The following AQR variants were observed in gnomAD, a reference collection of about 807,000 sequenced individuals.
The protein encoded by AQR is RNA helicase aquarius.
Under a neutral mutation model 180.5 loss-of-function variants are expected in AQR, and 61 were observed. The observed-to-expected ratio is 0.34, with a 90% CI of 0.28 to 0.42. AQR has a LOEUF of 0.42. Among genes scored for constraint, AQR ranks in the 10% least tolerant of loss-of-function variants. AQR has a pLI of 1.00. For missense variants in AQR, 1,281 were observed against 1,798.3 expected (o/e 0.71, Z 5.20); for synonymous variants, 551 against 588.8 (o/e 0.94, Z 0.93).
chr15:34,877,038 C>T (rs1296567284), intron 27 of AQR, among the ~76,000 whole-genome samples: 1 of 152,152 alleles, frequency 6.6e-6, no homozygotes, highest in African/African-American at 2.4e-5. Context: ...TGTATATTTA[C>T]TTGTTTAATG....
chr15:34,968,413 CG>C (rs35187816), intron 1 of AQR, among the ~76,000 whole-genome samples: 92,339 of 151,708 alleles, frequency 0.61, 30,482 homozygotes, highest in South Asian at 0.75. Flanking sequence ...CCACCATGCC[CG>C]GCTAATTTTT....
Position 34,943,015 on chromosome 15 carries a change from T to C in AQR, c.472-935A>G. The C allele has an allele frequency of 2.7e-6, 4 of 1,505,442 alleles. No individual in the cohort carries two copies. The Admixed American group carries it at 6.9e-5, about 26-fold the overall frequency. The allele number at this position is 1,505,442 out of a possible 1,614,324, so 93.3% of individuals were successfully genotyped here. On this transcript the variant is annotated intron_variant, in intron 6 of 34. Transcript: ENST00000156471. ...AAAAAATCACATCTATTTATATTTC[T>C]ATTTGTTCTGTTTAGTTTAATAAAT...
At chr15:34,889,723 T>C (rs1893113966) in intron 24 of AQR, among the ~76,000 whole-genome samples, 1 of 152,170 alleles carries the variant, frequency 6.6e-6, no homozygotes, top group South Asian at 2.1e-4. Context: ...CAGGCTGGAA[T>C]GCAATGGCGC....
Position 34,853,780 on chromosome 15 carries a change from T to A in AQR, c.*3012A>T, listed in dbSNP as rs1595776613. The A allele has an allele frequency of 6.6e-6, 1 of 152,204 alleles. No individual in the cohort carries two copies. The highest frequency in any genetic ancestry group is 2.1e-4 in the South Asian group (1 of 4,834). 9.4% of individuals were successfully genotyped at this position (152,204 alleles called of 1,614,324 possible). On this transcript the variant is annotated 3_prime_UTR_variant, in exon 35 of 35. Coordinates refer to ENST00000156471, the MANE Select transcript of AQR (RefSeq NM_014691.3). ...CCCTATAAAACAGACAACTCTCCTG[T>A]CCCAAATCCAAACAGATCTTTTTCC...
In AQR at chr15:34,897,613, A is replaced by T; in HGVS notation, c.2336T>A (p.Val779Asp). Reference protein sequence around the residue: ...EDTEEAKTLIVEPHVIPNRGP... With the variant: ...EDTEEAKTLIDEPHVIPNRGP... ...CCTATTAGGAATAACATGGGGCTCAACAATTAAGGTTTTTGCTTCCTCGGT... is the reference window on the plus strand; with the variant it reads ...CCTATTAGGAATAACATGGGGCTCATCAATTAAGGTTTTTGCTTCCTCGGT... Residue 779 changes from valine to aspartate, a missense_variant, in exon 21 of 35, where the codon GTT becomes GAT. By Grantham distance (152) the Val-to-Asp change is radical (BLOSUM62 -3). This residue lies in a region of AQR where 112 missense variants were observed against 128.6 expected (regional missense o/e 0.87). Coordinates refer to ENST00000156471, the MANE Select transcript of AQR (RefSeq NM_014691.3). 1 of 1,614,176 alleles carries T rather than the reference A, an allele frequency of 6.2e-7. No homozygotes were observed. The highest frequency in any genetic ancestry group is 8.5e-7 in the Non-Finnish European group (1 of 1,179,998).
intron 30 of AQR, among the ~76,000 whole-genome samples, chr15:34,872,424 T>C (rs982777700): frequency 5.3e-5 from 8 of 152,116 alleles, no homozygotes; most frequent in African/African-American, 1.7e-4. Flanking sequence ...TTAGGCTTAA[T>C]GAATAAGAAA....
chr15:34,905,048 T>A (rs1447872539), intron 18 of AQR, among the ~76,000 whole-genome samples: 5 of 132,358 alleles, frequency 3.8e-5, no homozygotes, highest in Non-Finnish European at 6.2e-5. Flanking sequence ...TACTAATGGT[T>A]GAAAGCCCAG....
intron 13 of AQR, 27 bp from the exon 14 acceptor site, chr15:34,920,461 T>A (rs780646391): frequency 6.6e-7 from 1 of 1,510,596 alleles, no homozygotes; most frequent in Non-Finnish European, 9.1e-7. Context: ...AATATTTTAT[T>A]CATAGTAACT....
In AQR at chr15:34,886,562, A is replaced by T; in HGVS notation, c.2781T>A (p.Tyr927Ter). 1 of 1,613,592 alleles carries T rather than the reference A, an allele frequency of 6.2e-7. No homozygotes were observed. Among genetic ancestry groups the T allele is most frequent in the Non-Finnish European group, 8.5e-7 (1 of 1,179,896 alleles). ...KSLGVPGDAS[Y>*]TCETAGYFFL... ...AGAAATAGCCTGCAGTTTCACAGGT[A>T]TATGAGGCATCTCCTGGAACCCCTA... The change falls in exon 25 of 35, where the codon TAT becomes TAA. Residue 927 changes from tyrosine (Y) to a stop codon, truncating the protein, a stop_gained. Coordinates refer to ENST00000156471, the MANE Select transcript of AQR (RefSeq NM_014691.3). LOFTEE classifies it high-confidence loss of function.
intron 12 of AQR, among the ~76,000 whole-genome samples, chr15:34,929,111 T>C (rs1387979266): frequency 2.6e-5 from 4 of 152,212 alleles, no homozygotes; most frequent in Non-Finnish European, 4.4e-5. Context: ...GATGGGTAGA[T>C]TGAAAAAATT....
chr15:34,908,183 G>A (rs1893446903), intron 17 of AQR, among the ~76,000 whole-genome samples: 1 of 152,182 alleles, frequency 6.6e-6, no homozygotes, highest in Admixed American at 6.5e-5. Flanking sequence ...TGGGCACGGT[G>A]GCTCACGCCT....
intron 12 of AQR, among the ~76,000 whole-genome samples, chr15:34,928,038 C>G (rs1313815314): frequency 6.6e-6 from 1 of 152,154 alleles, no homozygotes; most frequent in Non-Finnish European, 1.5e-5. Flanking sequence ...AGACCACATG[C>G]CACACCAGCT....
At chr15:34,878,720 T>C (rs1193481136) in intron 27 of AQR, among the ~76,000 whole-genome samples, 4 of 152,114 alleles carry the variant, frequency 2.6e-5, no homozygotes, top group Non-Finnish European at 5.9e-5. Flanking sequence ...TTAGAATTAA[T>C]ATTTAACTTC....
intron 9 of AQR, among the ~76,000 whole-genome samples, chr15:34,936,783 G>A (rs1893951662): frequency 6.6e-6 from 1 of 151,802 alleles, no homozygotes; most frequent in South Asian, 2.1e-4. Context: ...GTGGTTTATA[G>A]GCTGTTAAAT....
intron 4 of AQR, among the ~76,000 whole-genome samples, chr15:34,949,605 C>CAAAA (rs538711417): frequency 3.4e-3 from 170 of 49,642 alleles, no homozygotes; most frequent in African/African-American, 6.8e-3. Context: ...GACTCCGTCA[C>CAAAA]AAAAAAAAAA....
intron 19 of AQR, 68 bp from the exon 20 acceptor site, chr15:34,900,931 G>A (rs1893322981): frequency 1.3e-6 from 2 of 1,511,884 alleles, no homozygotes; most frequent in African/African-American, 2.8e-5. Context: ...TTACTGGAAT[G>A]CAGAGCTGGC....
chr15:34,876,108 C>T (rs1367843013), intron 27 of AQR, 102 bp from the exon 28 acceptor site: 12 of 831,266 alleles, frequency 1.4e-5, no homozygotes, highest in Middle Eastern at 3.7e-4. Context: ...CTGATAAAAA[C>T]GACATACAAA....
chr15:34,957,947 C>T (rs536014983), intron 3 of AQR, among the ~76,000 whole-genome samples: 6 of 152,186 alleles, frequency 3.9e-5, no homozygotes, highest in South Asian at 2.1e-4. Flanking sequence ...CAGTGGCTCA[C>T]GCCTGTAATC....
chr15:34,856,959 G>T lies in AQR; in HGVS notation c.4291C>A (p.Pro1431Thr), dbSNP rs750484796. 127 of 1,614,012 alleles carry T rather than the reference G, an allele frequency of 7.9e-5. No homozygotes were observed. Among genetic ancestry groups the T allele is most frequent in the Non-Finnish European group, 1.1e-4 (125 of 1,180,022 alleles). Residue 1431 changes from proline to threonine, a missense_variant, in exon 35 of 35, where the codon CCA becomes ACA. By Grantham distance (38) the Pro-to-Thr change is conservative. Around this residue, in one of 9 missense-constraint regions of AQR, gnomAD observed 182 missense variants for 185.3 expected, o/e 0.98. Transcript: ENST00000156471. Reference protein sequence around the residue: ...PTDTSCRQETPAFQTDTTPSE... With the variant: ...PTDTSCRQETTAFQTDTTPSE... ...GGGGTGGTGTCAGTTTGAAAGGCTG[G>T]AGTTTCTTGACGGCAGCTGGTGTCT...
Sources: gnomAD v4.1 joint callset for allele counts (sites outside exome capture counted in the v4.1 genomes callset) on GRCh38, gnomAD v4.1.1 for gene constraint, gnomAD v4.1.1 regional missense constraint, MANE v1.5 for transcripts, NCBI Gene and HGNC (gene_info 2026-07-23, HGNC 2026-07-21) for gene names.